Variants in NKIRAS1 observed in about 807,000 individuals in gnomAD.
The protein encoded by NKIRAS1 is NFKB inhibitor interacting Ras like 1.
NKIRAS1 carries 16 observed loss-of-function variants against 19.8 expected under a neutral mutation model. The ratio of observed to expected loss-of-function variants is 0.81; its 90% confidence interval spans 0.55 to 1.23. NKIRAS1 has a LOEUF of 1.23. NKIRAS1 is among the 50% of genes most tolerant of loss of function. NKIRAS1 has a pLI of 0.00. For missense variants in NKIRAS1, 184 were observed against 220.0 expected (o/e 0.84, Z 1.04); for synonymous variants, 88 against 79.0 (o/e 1.11, Z -0.61).
intron 3 of NKIRAS1, among the ~76,000 whole-genome samples, chr3:23,901,314 T>G (rs986656998): frequency 2.0e-5 from 3 of 151,170 alleles, no homozygotes; most frequent in African/African-American, 7.3e-5. Flanking sequence ...AAGTAGTCCC[T>G]CCCAGCTGGG....
intron 1 of NKIRAS1, among the ~76,000 whole-genome samples, chr3:23,943,325 C>T (rs946378117): frequency 2.0e-5 from 3 of 152,162 alleles, no homozygotes; most frequent in South Asian, 2.1e-4. Context: ...TTCCGCCTTC[C>T]GGGTTCAAGC....
chr3:23,894,733 G>A (rs1701811382), intron 4 of NKIRAS1, among the ~76,000 whole-genome samples: 1 of 152,024 alleles, frequency 6.6e-6, no homozygotes, highest in African/African-American at 2.4e-5. Flanking sequence ...ACAAGGTTGG[G>A]GTAAGATGTC....
At chr3:23,940,194 G>GAA (rs1559517478) in intron 1 of NKIRAS1, among the ~76,000 whole-genome samples, 2 of 135,582 alleles carry the variant, frequency 1.5e-5, no homozygotes, top group African/African-American at 2.8e-5. Flanking sequence ...AAAAAAAAGA[G>GAA]AAATTACTGG....
intron 4 of NKIRAS1, 123 bp downstream of exon 4, chr3:23,900,685 G>A: frequency 3.4e-6 from 2 of 584,248 alleles, no homozygotes; most frequent in South Asian, 2.8e-5. Flanking sequence ...GAAAAAAATT[G>A]TAAAGGTTTT....
Position 23,933,182 on chromosome 3 carries a change from T to C in NKIRAS1, c.-140+13141A>G, listed in dbSNP as rs546932577. ...GTGTTAAGTGCTAAGTTTGTGGTAA[T>C]TTGTTAGAGCAGTAATAGAAAACAA... On this transcript the variant is annotated intron_variant, in intron 1 of 4. Coordinates refer to the NKIRAS1 transcript ENST00000421515. Among the ~76,000 whole-genome samples the C allele has an allele frequency of 1.2e-4, 19 of 152,310 alleles. No individual in the cohort carries two copies. The South Asian group carries it at 3.5e-3, about 28-fold the overall frequency.
upstream of NKIRAS1, chr3:23,918,702 T>A (rs1201347402): frequency 7.7e-6 from 9 of 1,171,198 alleles, no homozygotes; most frequent in African/African-American, 1.4e-4. Context: ...TTGTGATTTT[T>A]ACTAATCTTG....
intron 1 of NKIRAS1, chr3:23,946,021 G>T (rs1435243130): frequency 3.8e-6 from 3 of 798,288 alleles, no homozygotes; most frequent in Non-Finnish European, 3.0e-6. Context: ...AGGGACACGT[G>T]GGGGCGGGGG....
intron 4 of NKIRAS1, among the ~76,000 whole-genome samples, chr3:23,894,123 G>C (rs1174029467): frequency 5.3e-5 from 8 of 152,174 alleles, no homozygotes; most frequent in Non-Finnish European, 8.8e-5. Context: ...AAAAAAGTAT[G>C]TGCCAATAGG....
exon 1 of NKIRAS1, chr3:23,946,481 C>T (rs566705336): frequency 2.6e-4 from 46 of 177,300 alleles, no homozygotes; most frequent in African/African-American, 9.3e-4. Context: ...AGCACCGCCC[C>T]TGTTAGGATG....
At chr3:23,933,006 G>T (rs1188634205) in intron 1 of NKIRAS1, among the ~76,000 whole-genome samples, 1 of 152,146 alleles carries the variant, frequency 6.6e-6, no homozygotes, top group Non-Finnish European at 1.5e-5. Flanking sequence ...CTGACTTTGA[G>T]ATGGGGAGAC....
chr3:23,908,758 C>G (rs1703328367), intron 3 of NKIRAS1, among the ~76,000 whole-genome samples: 2 of 152,070 alleles, frequency 1.3e-5, no homozygotes, highest in African/African-American at 4.8e-5. Flanking sequence ...CAGCCTCAAC[C>G]TCCCATGTGA....
At chr3:23,923,736 A>G (rs1254342483) in intron 1 of NKIRAS1, 2 of 152,222 alleles carry the variant, frequency 1.3e-5, no homozygotes, top group African/African-American at 4.8e-5. Context: ...TTTTTTATAG[A>G]TATTGCCAAA....
intron 1 of NKIRAS1, among the ~76,000 whole-genome samples, chr3:23,915,105 A>G (rs1401312813): frequency 3.9e-5 from 6 of 152,190 alleles, no homozygotes. Context: ...TGCGGGGGTG[A>G]TTAAATTAAG....
intron 4 of NKIRAS1, among the ~76,000 whole-genome samples, chr3:23,896,422 C>T (rs1341446463): frequency 6.6e-6 from 1 of 152,006 alleles, no homozygotes; most frequent in Non-Finnish European, 1.5e-5. Context: ...TGAGACCAGC[C>T]TGTCCAACAT....
At chr3:23,901,512 T>C (rs1020488016) in intron 3 of NKIRAS1, among the ~76,000 whole-genome samples, 2 of 152,204 alleles carry the variant, frequency 1.3e-5, no homozygotes, top group Admixed American at 6.6e-5. Flanking sequence ...AAAATATTTC[T>C]TCTGCATAAA....
At chr3:23,945,080 G>C (rs1252934699) in intron 1 of NKIRAS1, among the ~76,000 whole-genome samples, 1 of 151,484 alleles carries the variant, frequency 6.6e-6, no homozygotes, top group Non-Finnish European at 1.5e-5. Flanking sequence ...TTACGGCACG[G>C]AGGGGAAAAA....
chr3:23,917,926 C>G, upstream of NKIRAS1: 1 of 1,613,770 alleles, frequency 6.2e-7, no homozygotes, highest in Non-Finnish European at 8.5e-7. Flanking sequence ...GCGCTTTCTT[C>G]TGAGGGTCCG....
chr3:23,896,505 C>T lies in NKIRAS1; in HGVS notation c.337-3168G>A, dbSNP rs111649943. ...GTGAACGCCTGTAATCCCAGCTACT[C>T]GGGAGGCTGAGGCAGGAAAATCGCT... On this transcript the variant is annotated intron_variant, in intron 4 of 4. Transcript: ENST00000425478. Among the ~76,000 whole-genome samples the T allele has an allele frequency of 4.7e-3, 708 of 151,040 alleles. 6 individuals are homozygous for T. Among genetic ancestry groups the T allele is most frequent in the African/African-American group, 0.016 (668 of 41,112 alleles).
chr3:23,919,031 A>ATC, upstream of NKIRAS1: 1 of 615,706 alleles, frequency 1.6e-6, no homozygotes, highest in Non-Finnish European at 2.9e-6. Context: ...AGTCTACATT[A>ATC]TCTCATTACA....
Sources: allele counts gnomAD v4.1 joint callset (sites outside exome capture counted in the v4.1 genomes callset), GRCh38; gene constraint gnomAD v4.1.1; transcripts MANE v1.5; gene names NCBI Gene and HGNC (gene_info 2026-07-23, HGNC 2026-07-21).